Variants in CACNA2D3 observed in about 807,000 individuals in gnomAD.
CACNA2D3 encodes calcium voltage-gated channel auxiliary subunit alpha2delta 3, also known as voltage-dependent calcium channel subunit alpha-2/delta-3.
A neutral mutation model predicts 160.6 loss-of-function variants in CACNA2D3; 60 were observed. The ratio of observed to expected loss-of-function variants is 0.37; its 90% CI spans 0.30 to 0.46. The LOEUF (loss-of-function observed/expected upper bound fraction) is 0.46. Ranked by LOEUF, CACNA2D3 falls within the 20% of genes least tolerant of loss-of-function variation. The pLI, the probability that CACNA2D3 is intolerant of heterozygous loss-of-function variation, is 1.00. For missense variants in CACNA2D3, 1,205 were observed against 1,365.0 expected, an observed-to-expected ratio of 0.88 and a Z score of 1.85; for synonymous variants, 558 against 492.9, an observed-to-expected ratio of 1.13 and a Z score of -1.75.
intron 2 of CACNA2D3, among the ~76,000 whole-genome samples, chr3:54,162,941 A>C (rs992400575): frequency 9.2e-5 from 14 of 152,224 alleles, no homozygotes; most frequent in Non-Finnish European, 2.1e-4. Context: ...GAATAGTGGG[A>C]GGTGCTGCCT....
chr3:54,507,163 T>G (rs1701384354), intron 5 of CACNA2D3, among the ~76,000 whole-genome samples: 1 of 152,196 alleles, frequency 6.6e-6, no homozygotes, highest in African/African-American at 2.4e-5. Flanking sequence ...TTTCCACCTC[T>G]GTCCACCCGG....
At chr3:54,733,656 T>C (rs143396638) in intron 11 of CACNA2D3, among the ~76,000 whole-genome samples, 140 of 152,314 alleles carry the variant, frequency 9.2e-4, no homozygotes, top group African/African-American at 3.0e-3. Context: ...ATTAAATATT[T>C]AGTCCATCTT....
At chr3:54,629,431 G>A (rs560161917) in intron 10 of CACNA2D3, among the ~76,000 whole-genome samples, 6 of 152,230 alleles carry the variant, frequency 3.9e-5, no homozygotes, top group Middle Eastern at 3.4e-3. Flanking sequence ...CTGTTGCCAC[G>A]AAGATGACTG....
intron 27 of CACNA2D3, among the ~76,000 whole-genome samples, chr3:54,957,258 C>T (rs1338670233): frequency 6.6e-6 from 1 of 151,884 alleles, no homozygotes; most frequent in Non-Finnish European, 1.5e-5. Context: ...CTCCTGGGCT[C>T]AGGTGATCTT....
intron 5 of CACNA2D3, among the ~76,000 whole-genome samples, chr3:54,506,838 T>A (rs1284396785): frequency 6.6e-6 from 1 of 152,190 alleles, no homozygotes; most frequent in Non-Finnish European, 1.5e-5. Context: ...AATGACTCCA[T>A]ATCCTCTATG....
intron 8 of CACNA2D3, among the ~76,000 whole-genome samples, chr3:54,577,364 G>T (rs1702602303): frequency 6.6e-6 from 1 of 152,220 alleles, no homozygotes; most frequent in African/African-American, 2.4e-5. Context: ...GGGTGGCTTA[G>T]AGTGGGACAG....
chr3:54,283,869 C>A lies in CACNA2D3; in HGVS notation c.205-36573C>A, dbSNP rs927995098. Among the ~76,000 whole-genome samples the A allele has an allele frequency of 2.0e-5, 3 of 152,048 alleles. 1 individual carries two copies. In the South Asian group the frequency reaches 6.2e-4, roughly 32 times the overall value. On this transcript the variant is annotated intron_variant, in intron 2 of 37. Coordinates refer to ENST00000474759, the MANE Select transcript of CACNA2D3 (RefSeq NM_018398.3). ...CTTGAGGTCAGGAGCTCGAGACCAT[C>A]CTGGTCAACATGGTGAAACCCCGTC...
chr3:54,334,667 C>G (rs965761585), intron 3 of CACNA2D3, among the ~76,000 whole-genome samples: 31 of 152,180 alleles, frequency 2.0e-4, no homozygotes, highest in African/African-American at 7.2e-4. Flanking sequence ...GCCCAGGTCA[C>G]ACGCTCCCTC....
At chr3:54,725,628 G>A (rs529366027) in intron 11 of CACNA2D3, among the ~76,000 whole-genome samples, 1 of 151,952 alleles carries the variant, frequency 6.6e-6, no homozygotes. Flanking sequence ...TCAAGAAATG[G>A]GATCCATCAC....
chr3:54,341,857 A>G (rs943130137), intron 3 of CACNA2D3, among the ~76,000 whole-genome samples: 6 of 152,192 alleles, frequency 3.9e-5, no homozygotes, highest in Non-Finnish European at 5.9e-5. Context: ...AGTACTTAGC[A>G]TAGTGCCTGG....
chr3:54,431,145 T>G lies in CACNA2D3; in HGVS notation c.381+44371T>G, dbSNP rs576497753. Among the ~76,000 whole-genome samples, 247 of 152,124 alleles carry G rather than the reference T, an allele frequency of 1.6e-3. 2 individuals carry two copies. The highest frequency in any genetic ancestry group is 1.5e-3 in the Non-Finnish European group (103 of 67,990). On this transcript the variant is annotated intron_variant, in intron 4 of 37. Coordinates refer to ENST00000474759, the MANE Select transcript of CACNA2D3 (RefSeq NM_018398.3). ...TGAGGTCAGGGGATTGAGACCATCCTGGCTAACATGGTGAAACCCCGTCTC... is the reference window on the plus strand; with the variant it reads ...TGAGGTCAGGGGATTGAGACCATCCGGGCTAACATGGTGAAACCCCGTCTC...
chr3:54,174,741 G>C (rs966716405), intron 2 of CACNA2D3, among the ~76,000 whole-genome samples: 3 of 152,200 alleles, frequency 2.0e-5, no homozygotes, highest in Non-Finnish European at 4.4e-5. Context: ...TAGCCAGGAT[G>C]GTTTCGATCT....
intron 4 of CACNA2D3, among the ~76,000 whole-genome samples, chr3:54,458,312 A>G (rs1261636420): frequency 6.6e-6 from 1 of 152,014 alleles, no homozygotes; most frequent in Non-Finnish European, 1.5e-5. Flanking sequence ...ATTTCACTTC[A>G]ATGTGTAGCA....
chr3:54,325,681 C>T (rs2107512799), intron 3 of CACNA2D3, among the ~76,000 whole-genome samples: 1 of 152,248 alleles, frequency 6.6e-6, no homozygotes, highest in East Asian at 1.9e-4. Flanking sequence ...GCGTTTCAAG[C>T]AAAACATTAC....
At chr3:54,962,147 C>G (rs1702045355) in intron 27 of CACNA2D3, among the ~76,000 whole-genome samples, 1 of 152,178 alleles carries the variant, frequency 6.6e-6, no homozygotes, top group Admixed American at 6.5e-5. Flanking sequence ...AGTGCCACCT[C>G]TTAATACTGC....
chr3:54,820,428 C>T (rs1338382969), intron 14 of CACNA2D3, among the ~76,000 whole-genome samples: 2 of 152,016 alleles, frequency 1.3e-5, no homozygotes, highest in Non-Finnish European at 2.9e-5. Context: ...TTTAGAACAA[C>T]AGTTTGAAAA....
chr3:54,593,349 T>C (rs1279988548), intron 9 of CACNA2D3, among the ~76,000 whole-genome samples: 3 of 151,992 alleles, frequency 2.0e-5, no homozygotes, highest in South Asian at 4.1e-4. Flanking sequence ...AATAGTATGG[T>C]TCATGGCTTC....
At chr3:54,253,149 C>T (rs948195853) in intron 2 of CACNA2D3, among the ~76,000 whole-genome samples, 3 of 146,212 alleles carry the variant, frequency 2.1e-5, no homozygotes, top group Non-Finnish European at 3.0e-5. Flanking sequence ...TTTTAAAATA[C>T]TATAATGACA....
At chr3:54,680,153 A>G (rs1293317689) in intron 11 of CACNA2D3, among the ~76,000 whole-genome samples, 1 of 152,010 alleles carries the variant, frequency 6.6e-6, no homozygotes, top group Non-Finnish European at 1.5e-5. Context: ...AGATTCATTG[A>G]GAAGCTAAAA....
Sources: gnomAD v4.1 joint callset for allele counts (sites outside exome capture counted in the v4.1 genomes callset) on GRCh38, gnomAD v4.1.1 for gene constraint, MANE v1.5 for transcripts, NCBI Gene and HGNC (gene_info 2026-07-23, HGNC 2026-07-21) for gene names.